Variants in EXPH5 observed in about 807,000 individuals in gnomAD.
The protein encoded by EXPH5 is exophilin 5.
EXPH5 carries 42 observed loss-of-function variants against 41.1 expected under a neutral mutation model. The observed-to-expected ratio is 1.02, with a 90% CI of 0.80 to 1.32. The LOEUF (loss-of-function observed/expected upper bound fraction) is 1.32, where lower values mean the gene tolerates loss of function less well. Ranked by LOEUF, EXPH5 falls within the 40% of genes most tolerant of loss-of-function variation. The pLI, the probability that EXPH5 is intolerant of heterozygous loss-of-function variation, is 0.00. For missense variants in EXPH5, 2,298 were observed against 2,314.5 expected, an observed-to-expected ratio of 0.99 and a Z score of 0.15; for synonymous variants, 798 against 833.5, an observed-to-expected ratio of 0.96 and a Z score of 0.73.
In EXPH5 at chr11:108,536,556, T is replaced by C. The variant is rs556143842; in HGVS notation, c.443+2468A>G. On this transcript the variant is annotated intron_variant, in intron 3 of 5. Coordinates refer to ENST00000265843, the MANE Select transcript of EXPH5 (RefSeq NM_015065.3). The stretch of plus-strand genomic sequence containing the variant: ...CCGGGATTACAGGCGTGAGCCGTCA[T>C]GACTGGCCTTTCTTTTTGGATTTTT... Among the ~76,000 whole-genome samples the C allele has an allele frequency of 5.3e-5, 8 of 152,360 alleles. No individual in the cohort carries two copies. The South Asian group carries it at 1.7e-3, about 32-fold the overall frequency.
Position 108,514,680 on chromosome 11 carries a change from C to T in EXPH5, c.827G>A (p.Arg276Lys). 6.2e-7 allele frequency: 1 copy of T among 1,603,472 alleles called. No individual in the cohort carries two copies. Among genetic ancestry groups the T allele is most frequent in the Non-Finnish European group, 8.5e-7 (1 of 1,176,222 alleles). Residue 276 changes from arginine (R) to lysine (K), a missense_variant, in exon 6 of 6, where the codon AGA becomes AAA. Transcript: ENST00000265843. ...TSNMSIYDIL[R>K]PGTPREGFKT... The stretch of plus-strand genomic sequence containing the variant: ...AAAACCTTCCCTAGGAGTTCCTGGT[C>T]TTAGGATGTCATAGATAGACATATT...
At chr11:108,597,051 T>A (rs2094139816), upstream of EXPH5, among the ~76,000 whole-genome samples, 1 of 152,142 alleles carries the variant, frequency 6.6e-6, no homozygotes, top group African/African-American at 2.4e-5. Context: ...AAAGCAGTGA[T>A]CTTTAGAAAT....
Position 108,561,351 on chromosome 11 carries a change from C to CTTGTTTTGTTTTGTT in EXPH5, c.120-19554_120-19540dup, listed in dbSNP as rs3054582. ...AATCTGGATATCTGATTCCCTCCAT[C>CTTGTTTTGTTTTGTT]TTGTTTTGTTTTGTTTTGTTTTGTT... On this transcript the variant is annotated intron_variant, in intron 1 of 5. Transcript: ENST00000265843. Among the ~76,000 whole-genome samples, 140 of 150,792 alleles carry CTTGTTTTGTTTTGTT rather than the reference C, an allele frequency of 9.3e-4. 1 individual carries two copies. Among genetic ancestry groups the CTTGTTTTGTTTTGTT allele is most frequent in the Middle Eastern group, 3.4e-3 (1 of 292 alleles).
At chr11:108,587,431 G>C (rs1184290897) in intron 1 of EXPH5, among the ~76,000 whole-genome samples, 1 of 152,154 alleles carries the variant, frequency 6.6e-6, no homozygotes, top group East Asian at 1.9e-4. Flanking sequence ...ATAGCAGTAA[G>C]TTAAGTTCCA....
At chr11:108,586,020 C>A (rs1328109522) in intron 1 of EXPH5, among the ~76,000 whole-genome samples, 1 of 152,208 alleles carries the variant, frequency 6.6e-6, no homozygotes, top group Non-Finnish European at 1.5e-5. Flanking sequence ...TTTACTGCAA[C>A]CTCCACCTCC....
At chr11:108,516,902 A>C (rs1481415044) in intron 5 of EXPH5, among the ~76,000 whole-genome samples, 1 of 152,232 alleles carries the variant, frequency 6.6e-6, no homozygotes, top group Non-Finnish European at 1.5e-5. Flanking sequence ...TGGGGCAAAA[A>C]ACAAAACAAA....
the EXPH5 span, among the ~76,000 whole-genome samples, chr11:108,606,536 T>G: frequency 8.3e-4 from 127 of 152,268 alleles, no homozygotes; most frequent in African/African-American, 2.9e-3. Context: ...CACCTTTTTT[T>G]AAAAAAATGG....
chr11:108,526,685 A>G (rs1464612168), intron 4 of EXPH5, among the ~76,000 whole-genome samples: 1 of 152,234 alleles, frequency 6.6e-6, no homozygotes, highest in Non-Finnish European at 1.5e-5. Flanking sequence ...ACAGCACATC[A>G]GAGCTGAGGA....
In EXPH5 at chr11:108,513,734, G is replaced by T; in HGVS notation, c.1773C>A (p.His591Gln). ...NVCSMTGSSY[H>Q]VKSSELVSQQ... is the part of the protein sequence containing the mutation. ...GACTTACCAACTCACTAGATTTGAC[G>T]TGATAGCTTGAACCAGTCATGGAGC... is the stretch of plus-strand genomic sequence containing the variant. The change falls in exon 6 of 6, where the codon CAC becomes CAA. Residue 591 changes from histidine to glutamine, a missense_variant. Physicochemically the swap from His to Gln is conservative, Grantham distance 24. Transcript: ENST00000265843. The T allele has an allele frequency of 6.2e-7, 1 of 1,611,948 alleles. No homozygotes were observed. The highest frequency in any genetic ancestry group is 1.1e-5 in the South Asian group (1 of 90,500).
the EXPH5 span, among the ~76,000 whole-genome samples, chr11:108,599,958 G>C: frequency 6.6e-6 from 1 of 152,166 alleles, no homozygotes; most frequent in Non-Finnish European, 1.5e-5. Context: ...ACCTACATTT[G>C]TTTGCTTCCA....
At chr11:108,573,682 T>A (rs2094070471) in intron 1 of EXPH5, among the ~76,000 whole-genome samples, 1 of 152,186 alleles carries the variant, frequency 6.6e-6, no homozygotes, top group South Asian at 2.1e-4. Context: ...AAAATAAATT[T>A]ATATAATCCT....
intron 1 of EXPH5, among the ~76,000 whole-genome samples, chr11:108,547,614 G>T (rs1009804761): frequency 2.6e-5 from 4 of 152,154 alleles, no homozygotes; most frequent in East Asian, 1.9e-4. Context: ...GGAAGACAAG[G>T]TATTATTATT....
At chr11:108,563,438 T>G (rs1893995) in intron 1 of EXPH5, among the ~76,000 whole-genome samples, 151,579 of 152,262 alleles carry the variant, frequency 1, 75,452 homozygotes, top group Middle Eastern at 1. Flanking sequence ...CAGGGGTGAA[T>G]AAACCTGAGT....
chr11:108,562,639 T>C (rs1399298847), intron 1 of EXPH5, among the ~76,000 whole-genome samples: 2 of 151,678 alleles, frequency 1.3e-5, no homozygotes, highest in Non-Finnish European at 2.9e-5. Flanking sequence ...TAAAATTACA[T>C]TCAATGCAAA....
At chr11:108,541,572 G>T in intron 2 of EXPH5, 80 bp downstream of exon 2, 1 of 849,734 alleles carries the variant, frequency 1.2e-6, no homozygotes, top group Non-Finnish European at 1.8e-6. Context: ...GGTTACATTG[G>T]AGATCCACTG....
chr11:108,572,047 C>T (rs1311132948), intron 1 of EXPH5, among the ~76,000 whole-genome samples: 1 of 97,600 alleles, frequency 1.0e-5, no homozygotes, highest in Non-Finnish European at 2.5e-5. Context: ...GAGACTCTGT[C>T]TCCAAAAAAA....
intron 1 of EXPH5, among the ~76,000 whole-genome samples, chr11:108,546,699 T>C (rs1322503780): frequency 6.6e-6 from 1 of 152,246 alleles, no homozygotes; most frequent in Non-Finnish European, 1.5e-5. Flanking sequence ...TTCAAGCTAG[T>C]ATGTTTTTCT....
At chr11:108,563,023 T>A (rs754846830) in intron 1 of EXPH5, among the ~76,000 whole-genome samples, 4 of 149,216 alleles carry the variant, frequency 2.7e-5, no homozygotes, top group Admixed American at 1.4e-4. Context: ...TTTGTGGGAT[T>A]TTTAAAAACA....
At chr11:108,574,456 A>AGT (rs1272861876) in intron 1 of EXPH5, among the ~76,000 whole-genome samples, 4 of 152,204 alleles carry the variant, frequency 2.6e-5, no homozygotes, top group Non-Finnish European at 5.9e-5. Context: ...GATAAAGAGA[A>AGT]GTGTGCAAAC....
Sources: gnomAD v4.1 joint callset for allele counts (sites outside exome capture counted in the v4.1 genomes callset) on GRCh38, gnomAD v4.1.1 for gene constraint, MANE v1.5 for transcripts, NCBI Gene and HGNC (gene_info 2026-07-23, HGNC 2026-07-21) for gene names.